CCDC60: variants seen among roughly 807,000 people sequenced by gnomAD.
CCDC60 encodes the protein coiled-coil domain-containing protein 60.
A neutral mutation model predicts 63.5 loss-of-function variants in CCDC60; 54 were observed. That is an observed-to-expected ratio of 0.85 (90% confidence interval 0.68 to 1.07). The LOEUF is 1.07. Ranked by LOEUF, CCDC60 falls within the 50% of genes least tolerant of loss-of-function variation. The pLI is 0.00. For synonymous variants in CCDC60, 206 were observed against 238.8 expected (o/e 0.86, Z 1.27); for missense variants, 651 against 684.3 (o/e 0.95, Z 0.54).
chr12:119,502,012 C>G (rs1951865426), intron 6 of CCDC60, among the ~76,000 whole-genome samples: 1 of 152,152 alleles, frequency 6.6e-6, no homozygotes, highest in African/African-American at 2.4e-5. Flanking sequence ...CCAGCTCCCA[C>G]AATACTCTTC....
chr12:119,386,718 C>A lies in CCDC60; in HGVS notation c.91-41965C>A, dbSNP rs531831900. 2.6e-5 allele frequency among the ~76,000 whole-genome samples: 4 copies of A among 152,252 alleles called. No homozygotes were observed. In the South Asian group the frequency reaches 8.3e-4, roughly 32 times the overall value. On this transcript the variant is annotated intron_variant, in intron 1 of 13. Coordinates refer to ENST00000327554, the MANE Select transcript of CCDC60 (RefSeq NM_178499.5). ...AGAGAAAACAATGATTTAATGGCCA[C>A]ATGACAGGAGCCTTAAGACTAATGG...
intron 1 of CCDC60, among the ~76,000 whole-genome samples, chr12:119,392,999 C>CA (rs1956187488): frequency 6.6e-6 from 1 of 152,022 alleles, no homozygotes; most frequent in Non-Finnish European, 1.5e-5. Flanking sequence ...TACAAAAATA[C>CA]AAAAAATTAA....
chr12:119,512,268 G>A (rs983026665), intron 7 of CCDC60, among the ~76,000 whole-genome samples: 8 of 152,156 alleles, frequency 5.3e-5, no homozygotes, highest in East Asian at 1.9e-4. Flanking sequence ...ATCGTTCATC[G>A]ATATCCAAAT....
intron 7 of CCDC60, among the ~76,000 whole-genome samples, chr12:119,507,330 C>T (rs1217784716): frequency 6.6e-6 from 1 of 151,236 alleles, no homozygotes; most frequent in East Asian, 1.9e-4. Context: ...AGGTCCCAAG[C>T]CCCGAAAAGC....
intron 1 of CCDC60, among the ~76,000 whole-genome samples, chr12:119,417,241 ATTG>A (rs2136209809): frequency 6.6e-6 from 1 of 151,918 alleles, no homozygotes; most frequent in East Asian, 1.9e-4. Flanking sequence ...AGACATTTTT[ATTG>A]TTGTAACTTG....
At chr12:119,535,560 A>C (rs1198285666) in intron 13 of CCDC60, among the ~76,000 whole-genome samples, 1 of 152,022 alleles carries the variant, frequency 6.6e-6, no homozygotes, top group Non-Finnish European at 1.5e-5. Flanking sequence ...TAGTGCTATA[A>C]ATTTTCCCTC....
At chr12:119,388,730 T>C (rs1593011467) in intron 1 of CCDC60, among the ~76,000 whole-genome samples, 1 of 152,242 alleles carries the variant, frequency 6.6e-6, no homozygotes, top group South Asian at 2.1e-4. Context: ...ACTTAAATTA[T>C]GTATCTTTGT....
intron 12 of CCDC60, among the ~76,000 whole-genome samples, chr12:119,529,758 C>A (rs1952786447): frequency 6.6e-6 from 1 of 152,080 alleles, no homozygotes; most frequent in Non-Finnish European, 1.5e-5. Flanking sequence ...AAACCCTCTT[C>A]CCTCTGTGGG....
chr12:119,463,348 A>G (rs973174291), intron 2 of CCDC60, among the ~76,000 whole-genome samples: 1 of 152,238 alleles, frequency 6.6e-6, no homozygotes, highest in Non-Finnish European at 1.5e-5. Context: ...CAGAGTGACC[A>G]GCCACATCCA....
At chr12:119,516,287 G>A (rs904907423) in intron 7 of CCDC60, among the ~76,000 whole-genome samples, 1 of 151,958 alleles carries the variant, frequency 6.6e-6, no homozygotes, top group African/African-American at 2.4e-5. Context: ...TGTATTTTTT[G>A]TAGAGGTAGG....
In CCDC60 at chr12:119,508,004, C is replaced by A. The variant is rs545789901; in HGVS notation, c.883+2701C>A. The stretch of plus-strand genomic sequence containing the variant: ...GCAAAATAGTGAGACCCCATCTCTA[C>A]ATGGAAAATTTTAAAAATTAGCCAG... On this transcript the variant is annotated intron_variant, in intron 7 of 13. Transcript: ENST00000327554. Among the ~76,000 whole-genome samples the A allele has an allele frequency of 3.7e-4, 56 of 152,012 alleles. 1 individual carries two copies. The South Asian group carries it at 0.011, about 30-fold the overall frequency.
intron 2 of CCDC60, among the ~76,000 whole-genome samples, chr12:119,468,908 C>A (rs1370733547): frequency 6.6e-6 from 1 of 151,476 alleles, no homozygotes; most frequent in Non-Finnish European, 1.5e-5. Context: ...ACCCCCATCT[C>A]TACAAAAATT....
At chr12:119,417,400 C>A (rs1956721128) in intron 1 of CCDC60, among the ~76,000 whole-genome samples, 1 of 151,976 alleles carries the variant, frequency 6.6e-6, no homozygotes, top group African/African-American at 2.4e-5. Flanking sequence ...TTTATCTTTA[C>A]TTTTTGGAAT....
chr12:119,427,924 A>G (rs1042339427), intron 1 of CCDC60, among the ~76,000 whole-genome samples: 12 of 152,168 alleles, frequency 7.9e-5, no homozygotes, highest in African/African-American at 2.9e-4. Flanking sequence ...TGGGCCGAGG[A>G]GCTCGAGGCT....
intron 2 of CCDC60, among the ~76,000 whole-genome samples, chr12:119,470,921 C>G (rs1312192735): frequency 6.6e-6 from 1 of 152,140 alleles, no homozygotes; most frequent in African/African-American, 2.4e-5. Context: ...AGTACAATAC[C>G]CAACACACAT....
At chr12:119,433,701 C>T in intron 2 of CCDC60, 1 of 647,794 alleles carries the variant, frequency 1.5e-6, no homozygotes, top group Non-Finnish European at 2.8e-6. Context: ...GACTAGCTCA[C>T]CTTGAGCCAA....
chr12:119,540,724 T>C lies in CCDC60; in HGVS notation c.*9T>C, dbSNP rs757244304. 5 of 1,590,992 alleles carry C rather than the reference T, an allele frequency of 3.1e-6. No homozygotes were observed. The East Asian group carries it at 1.1e-4, about 36-fold the overall frequency. On this transcript the variant is annotated 3_prime_UTR_variant, in exon 14 of 14. Transcript: ENST00000327554. ...ACAGCGCCCTGAGGTAGGCTGGGCC[T>C]GGGTTGACCAGCTGTCTCAGTGGAG...
intron 1 of CCDC60, among the ~76,000 whole-genome samples, chr12:119,339,552 C>T (rs905319417): frequency 5.9e-5 from 9 of 151,654 alleles, no homozygotes; most frequent in Admixed American, 2.0e-4. Flanking sequence ...TGGGGGGGGC[C>T]GAGGCAGGAG....
intron 2 of CCDC60, among the ~76,000 whole-genome samples, chr12:119,464,863 A>G (rs561123815): frequency 6.6e-6 from 1 of 152,348 alleles, no homozygotes; most frequent in East Asian, 1.9e-4. Context: ...CAGAAACTGC[A>G]GCCTACTGGA....
Sources: allele counts gnomAD v4.1 joint callset (sites outside exome capture counted in the v4.1 genomes callset), GRCh38; gene constraint gnomAD v4.1.1; transcripts MANE v1.5; gene names NCBI Gene and HGNC (gene_info 2026-07-23, HGNC 2026-07-21).